DHX37: variants seen among roughly 807,000 people sequenced by gnomAD.
DHX37 encodes DEAH-box helicase 37, also known as probable ATP-dependent RNA helicase DHX37.
A neutral mutation model predicts 134.3 loss-of-function variants in DHX37; 52 were observed. That is an observed-to-expected ratio of 0.39 (90% CI 0.31 to 0.49). DHX37 has a LOEUF of 0.49. Among genes scored for constraint, DHX37 ranks in the 20% least tolerant of loss-of-function variants. DHX37 has a pLI of 0.93. For missense variants in DHX37, 1,344 were observed against 1,580.8 expected (o/e 0.85, Z 2.54); for synonymous variants, 634 against 670.7 (o/e 0.95, Z 0.85).
rs1195949846 is a variant in DHX37, at chr12:124,950,750, CT to C, written c.2922del (p.Glu975SerfsTer19). 6.2e-7 allele frequency: 1 copy of C among 1,609,810 alleles called. No individual in the cohort carries two copies. The highest frequency in any genetic ancestry group is 1.1e-5 in the South Asian group (1 of 90,506). ...TGGTAGACCACAAACTCGGGGAGCT[CT>C]TTGAAAAGGACGGAGCTGGGGTGGA... The part of the protein sequence containing the change: ...VFIHPSSVLF[K>X]ELPEFVVYQE... On this transcript the variant is annotated frameshift_variant, in exon 22 of 27. Transcript: ENST00000308736. LOFTEE classifies it high-confidence loss of function.
At chr12:124,988,393 G>T (rs7297355) in intron 1 of DHX37, among the ~76,000 whole-genome samples, 1 of 151,914 alleles carries the variant, frequency 6.6e-6, no homozygotes, top group Non-Finnish European at 1.5e-5. Context: ...CACTATAGCC[G>T]CATAAATTTC....
intron 1 of DHX37, among the ~76,000 whole-genome samples, chr12:124,986,690 G>A (rs977948113): frequency 9.9e-5 from 15 of 151,614 alleles, no homozygotes; most frequent in South Asian, 2.1e-4. Flanking sequence ...CAGCCTGGGC[G>A]ACAGGGTGAG....
intron 14 of DHX37, 77 bp from the exon 15 acceptor site, chr12:124,964,703 G>C: frequency 6.4e-7 from 1 of 1,571,428 alleles, no homozygotes; most frequent in Non-Finnish European, 8.6e-7. Flanking sequence ...CAAGGACAAA[G>C]CCAGCCAGGC....
Position 124,965,603 on chromosome 12 carries a change from G to C in DHX37, c.1735+65C>G, listed in dbSNP as rs991631252. The C allele has an allele frequency of 1.7e-5, 25 of 1,487,104 alleles. No individual in the cohort carries two copies. The African/African-American group carries it at 2.1e-4, about 13-fold the overall frequency. The allele number at this position is 1,487,104 out of a possible 1,614,324, so 92.1% of individuals were successfully genotyped here. A position where few individuals can be genotyped will look rare whatever the true frequency, so the allele number is the denominator to read the frequency against. On this transcript the variant is annotated intron_variant, in intron 13 of 26. Coordinates refer to ENST00000308736, the MANE Select transcript of DHX37 (RefSeq NM_032656.4). Reference sequence around the variant, plus strand: ...CCCCGGCCCCCGGGGGGCCCACAAGGGCTCTGGGCACATCCTCAGGGCAGA... The same window carrying C: ...CCCCGGCCCCCGGGGGGCCCACAAGCGCTCTGGGCACATCCTCAGGGCAGA...
chr12:124,971,338 G>A lies in DHX37; in HGVS notation c.1155C>T (p.Ile385=), dbSNP rs750522707. The A allele has an allele frequency of 7.1e-5, 114 of 1,613,210 alleles. No homozygotes were observed. The highest frequency in any genetic ancestry group is 5.2e-4 in the Middle Eastern group (3 of 5,788). ...GAGTCACAATGCGGGACAGGAGGCCGATGAGGATGTCCGTGTACACGCTCC... is the reference window on the plus strand; with the variant it reads ...GAGTCACAATGCGGGACAGGAGGCCAATGAGGATGTCCGTGTACACGCTCC... ...HERSVYTDIL[I]GLLSRIVTLR... Residue 385 remains isoleucine (I), a synonymous_variant, in exon 8 of 27, where the codon ATC becomes ATT. Transcript: ENST00000308736.
intron 5 of DHX37, among the ~76,000 whole-genome samples, chr12:124,976,863 A>C (rs571122217): frequency 3.8e-4 from 57 of 148,738 alleles, no homozygotes; most frequent in Middle Eastern, 3.5e-3. Flanking sequence ...AAAAGAAAAA[A>C]AAAAGAAACC....
chr12:124,985,537 T>C (rs866635300), intron 2 of DHX37, among the ~76,000 whole-genome samples: 10 of 144,154 alleles, frequency 6.9e-5, no homozygotes, highest in African/African-American at 2.3e-4. Flanking sequence ...GATATCAAGA[T>C]CATCCTGGCT....
intron 4 of DHX37, among the ~76,000 whole-genome samples, chr12:124,978,088 G>C (rs181413003): frequency 6.6e-6 from 1 of 152,236 alleles, no homozygotes; most frequent in East Asian, 1.9e-4. Context: ...AGCCTCCTGA[G>C]TAGCTGGGAT....
intron 12 of DHX37, 54 bp from the exon 13 acceptor site, chr12:124,965,866 C>T (rs527329073): frequency 1.0e-5 from 16 of 1,579,120 alleles, no homozygotes; most frequent in African/African-American, 1.3e-5. Context: ...GGTGTGAGGA[C>T]GTGGCACGTG....
At position 124,947,817 on chromosome 12, in the gene DHX37, G is replaced by T. The variant is rs374857087; in HGVS notation, c.3459C>A (p.Pro1153=). ...MHPDIEKAWP[P]TTVH is the part of the protein sequence containing the mutation. ...AGGTTTCTGGTCAGTGGACAGTGGT[G>T]GGGGGCCAGGCTTTCTCGATATCGG... Residue 1153 remains proline (P), a synonymous_variant, in exon 27 of 27, where the codon CCC becomes CCA. Transcript: ENST00000308736. The T allele has an allele frequency of 6.9e-6, 11 of 1,590,116 alleles. No individual in the cohort carries two copies. Among genetic ancestry groups the T allele is most frequent in the South Asian group, 4.6e-5 (4 of 86,838 alleles).
chr12:124,968,797 C>A (rs2135951003), intron 9 of DHX37, 70 bp downstream of exon 9: 1 of 1,602,562 alleles, frequency 6.2e-7, no homozygotes, highest in African/African-American at 1.3e-5. Context: ...TGAGGTCTCT[C>A]AGGGGGCTCC....
Position 124,947,819 on chromosome 12 carries a change from G to C in DHX37, c.3457C>G (p.Pro1153Ala). The C allele has an allele frequency of 6.3e-7, 1 of 1,592,546 alleles. No homozygotes were observed. Among genetic ancestry groups the C allele is most frequent in the Middle Eastern group, 1.7e-4 (1 of 5,896 alleles). Residue 1153 changes from proline (P) to alanine (A), a missense_variant, in exon 27 of 27, where the codon CCC becomes GCC. Around this residue, in one of 7 missense-constraint regions of DHX37, gnomAD observed 558 missense variants for 650.0 expected, o/e 0.86. Transcript: ENST00000308736. ...GTTTCTGGTCAGTGGACAGTGGTGGGGGGCCAGGCTTTCTCGATATCGGGG... is the reference window on the plus strand; with the variant it reads ...GTTTCTGGTCAGTGGACAGTGGTGGCGGGCCAGGCTTTCTCGATATCGGGG... ...MHPDIEKAWPPTTVH is the reference protein window; with the variant it reads ...MHPDIEKAWPATTVH
In DHX37 at chr12:124,980,596, G is replaced by T; in HGVS notation, c.632C>A (p.Pro211Gln). Residue 211 changes from proline (P) to glutamine (Q), a missense_variant, in exon 4 of 27, where the codon CCG becomes CAG. Coordinates refer to ENST00000308736, the MANE Select transcript of DHX37 (RefSeq NM_032656.4). This position sits in a 1 kb window ranked among gnomAD's most constrained non-coding sequence, Gnocchi z 5.3. ...AGGAGGAGGAACAGTCATCCCAGCC[G>T]GCACGGGCTGACTGCTGGGTGCTGG... ...PAPAPSSQPV[P>Q]AGMTVPPPPA... 1 of 1,610,670 alleles carries T rather than the reference G, an allele frequency of 6.2e-7. No homozygotes were observed. Among genetic ancestry groups the T allele is most frequent in the Non-Finnish European group, 8.5e-7 (1 of 1,179,728 alleles).
At chr12:124,968,830 C>T (rs775727160) in intron 9 of DHX37, 37 bp downstream of exon 9, 43 of 1,612,162 alleles carry the variant, frequency 2.7e-5, no homozygotes, top group Non-Finnish European at 3.4e-5. Context: ...GTCCTTGTGC[C>T]ATCCAAGCTC....
intron 19 of DHX37, 37 bp from the exon 20 acceptor site, chr12:124,954,033 C>A: frequency 6.2e-7 from 1 of 1,610,700 alleles, no homozygotes; most frequent in Admixed American, 1.7e-5. Context: ...TCTCTCTGAC[C>A]CATCCCAGAC....
Position 124,989,033 on chromosome 12 carries a change from C to T in DHX37, c.-11G>A. 7.4e-7 allele frequency: 1 copy of T among 1,351,738 alleles called. No individual in the cohort carries two copies. The highest frequency in any genetic ancestry group is 2.1e-5 in the South Asian group (1 of 46,910). The allele number at this position is 1,351,738 out of a possible 1,614,324, so 83.7% of individuals were successfully genotyped here. On this transcript the variant is annotated 5_prime_UTR_variant, in exon 1 of 27. Coordinates refer to ENST00000308736, the MANE Select transcript of DHX37 (RefSeq NM_032656.4). ...GCGCAGCTTCCCCATGGCGACTAGGCCAGGGTGGGCGCTCCAGCGGCCGGA... is the reference window on the plus strand; with the variant it reads ...GCGCAGCTTCCCCATGGCGACTAGGTCAGGGTGGGCGCTCCAGCGGCCGGA...
In DHX37 at chr12:124,950,686, G is replaced by T; in HGVS notation, c.2983+4C>A. 6.2e-7 allele frequency: 1 copy of T among 1,612,298 alleles called. No homozygotes were observed. The highest frequency in any genetic ancestry group is 8.5e-7 in the Non-Finnish European group (1 of 1,179,268). ...GACAAGGGGCTGTCCGCAGGCCTCG[G>T]CACCTTTCATGTACATCTTAGTGGT... On this transcript the variant is annotated splice_donor_region_variant and intron_variant, in intron 22 of 26. Coordinates refer to ENST00000308736, the MANE Select transcript of DHX37 (RefSeq NM_032656.4).
chr12:124,961,264 A>ATACACGCGTGCACGCACACACACACT, intron 15 of DHX37, among the ~76,000 whole-genome samples: 1 of 125,128 alleles, frequency 8.0e-6, no homozygotes, highest in East Asian at 2.0e-4. Context: ...ACGCACACAC[A>ATACACGCGTGCACGCACACACACACT]TACACGCGTG....
intron 15 of DHX37, among the ~76,000 whole-genome samples, chr12:124,961,192 A>G (rs7959219): frequency 4.8e-4 from 47 of 97,700 alleles, no homozygotes; most frequent in East Asian, 1.8e-3. Context: ...GCGCACGCAC[A>G]CACACACATA....
Sources: allele counts gnomAD v4.1 joint callset (sites outside exome capture counted in the v4.1 genomes callset), GRCh38; gene constraint gnomAD v4.1.1; regional missense constraint gnomAD v4.1.1; non-coding constraint Gnocchi (gnomAD v3.1); transcripts MANE v1.5; gene names NCBI Gene and HGNC (gene_info 2026-07-23, HGNC 2026-07-21).